Variants in LRRC3B observed in about 807,000 individuals in gnomAD.
LRRC3B encodes leucine-rich repeat-containing protein 3B.
In LRRC3B, 2 loss-of-function variants were observed where a neutral mutation model predicts 12.8. That is an observed-to-expected ratio of 0.16 (90% CI 0.06 to 0.49). The LOEUF is 0.49. Among genes scored for constraint, LRRC3B ranks in the 20% least tolerant of loss-of-function variants. LRRC3B has a pLI of 0.96. For synonymous variants in LRRC3B, 132 were observed against 122.0 expected (o/e 1.08, Z -0.54); for missense variants, 189 against 319.4 (o/e 0.59, Z 3.11).
intron 1 of LRRC3B, among the ~76,000 whole-genome samples, chr3:26,643,514 C>T (rs79007999): frequency 0.12 from 17,990 of 152,016 alleles, 1,203 homozygotes; most frequent in South Asian, 0.2. Flanking sequence ...ACCCACCCAC[C>T]AGCTGTGTGA....
chr3:26,673,069 C>A (rs1458215034), intron 1 of LRRC3B, among the ~76,000 whole-genome samples: 1 of 152,098 alleles, frequency 6.6e-6, no homozygotes, highest in Non-Finnish European at 1.5e-5. Context: ...GTCAGTGTTG[C>A]CACATGAAAT....
At chr3:26,638,585 A>AGAT (rs1309050416) in intron 1 of LRRC3B, among the ~76,000 whole-genome samples, 1 of 152,260 alleles carries the variant, frequency 6.6e-6, no homozygotes, top group Non-Finnish European at 1.5e-5. Context: ...TAAGACCTGC[A>AGAT]GATGGGATTA....
chr3:26,659,507 A>T, intron 1 of LRRC3B, among the ~76,000 whole-genome samples: 1 of 152,348 alleles, frequency 6.6e-6, no homozygotes, highest in East Asian at 1.9e-4. Flanking sequence ...TACAGATATT[A>T]AGAGAGATTT....
intron 1 of LRRC3B, among the ~76,000 whole-genome samples, chr3:26,649,553 A>G (rs1315960753): frequency 1.3e-5 from 2 of 152,180 alleles, no homozygotes; most frequent in Admixed American, 6.5e-5. Flanking sequence ...ATGTTGCCCA[A>G]TATCCTGCAT....
chr3:26,663,868 T>C (rs1022568810), intron 1 of LRRC3B, among the ~76,000 whole-genome samples: 9 of 152,160 alleles, frequency 5.9e-5, no homozygotes, highest in African/African-American at 2.2e-4. Flanking sequence ...GTTCAGAACC[T>C]TGCCATGTCT....
At chr3:26,691,272 A>T (rs989908357) in intron 1 of LRRC3B, among the ~76,000 whole-genome samples, 1 of 151,844 alleles carries the variant, frequency 6.6e-6, no homozygotes, top group African/African-American at 2.4e-5. Flanking sequence ...AGGACAAATT[A>T]TATGAAGGTT....
At chr3:26,650,082 T>C (rs187216851) in intron 1 of LRRC3B, among the ~76,000 whole-genome samples, 266 of 152,360 alleles carry the variant, frequency 1.7e-3, no homozygotes, top group African/African-American at 5.4e-3. Flanking sequence ...GTCTTCTGCC[T>C]ATATTTCTAT....
chr3:26,710,503 GT>G (rs1700726230), exon 2 of LRRC3B: 1 of 1,488,584 alleles, frequency 6.7e-7, no homozygotes, highest in South Asian at 1.4e-5. Context: ...TGCGATTGCA[GT>G]AGAAATAAGT....
chr3:26,709,555 A>G lies in LRRC3B; in HGVS notation c.-118A>G. 2.1e-6 allele frequency: 2 copies of G among 935,246 alleles called. No homozygotes were observed. Among genetic ancestry groups the G allele is most frequent in the Non-Finnish European group, 3.3e-6 (2 of 607,156 alleles). 57.9% of individuals were successfully genotyped at this position (935,246 alleles called of 1,614,324 possible). On this transcript the variant is annotated 5_prime_UTR_variant, in exon 2 of 2. It removes the in-frame stop codon of an upstream open reading frame in the 5' UTR. Transcript: ENST00000396641. ...GAAATAATGAAGAGACACATGTGTT[A>G]GCTGCAGCCTTTTGAAACACGCAAG...
intron 1 of LRRC3B, among the ~76,000 whole-genome samples, chr3:26,696,406 A>G (rs765089428): frequency 1.6e-4 from 25 of 152,226 alleles, no homozygotes; most frequent in Non-Finnish European, 3.4e-4. Flanking sequence ...GTGGATGTCT[A>G]GGAAGACTAT....
At chr3:26,637,230 T>G (rs906958756) in intron 1 of LRRC3B, among the ~76,000 whole-genome samples, 1 of 152,056 alleles carries the variant, frequency 6.6e-6, no homozygotes, top group Non-Finnish European at 1.5e-5. Context: ...ATTCATGTTG[T>G]ATTCAACTGA....
rs183283665 is a variant in LRRC3B at position 26,665,922 on chromosome 3, T to A, written c.-161+42685T>A. Among the ~76,000 whole-genome samples the A allele has an allele frequency of 1.4e-3, 213 of 152,324 alleles. 3 individuals are homozygous for A. Among genetic ancestry groups the A allele is most frequent in the East Asian group, 1.2e-3 (6 of 5,182 alleles). The stretch of plus-strand genomic sequence containing the variant: ...TAAGAGAGCTAAAAGTTTAATGTTG[T>A]AATTACATCTGACATCATGCTCAAA... On this transcript the variant is annotated intron_variant, in intron 1 of 1. Coordinates refer to ENST00000396641, the Ensembl canonical transcript of LRRC3B.
At chr3:26,655,021 C>T (rs573349704) in intron 1 of LRRC3B, among the ~76,000 whole-genome samples, 158 of 152,106 alleles carry the variant, frequency 1.0e-3, no homozygotes, top group Non-Finnish European at 1.6e-3. Flanking sequence ...AGGATATCTA[C>T]GTCTTCATTT....
At chr3:26,665,149 T>C (rs1575140382) in intron 1 of LRRC3B, among the ~76,000 whole-genome samples, 2 of 151,928 alleles carry the variant, frequency 1.3e-5, no homozygotes, top group South Asian at 4.1e-4. Context: ...TAAGGGAATG[T>C]GGGCAGAGCA....
At chr3:26,688,268 AG>A (rs1700125241) in intron 1 of LRRC3B, among the ~76,000 whole-genome samples, 1 of 152,234 alleles carries the variant, frequency 6.6e-6, no homozygotes, top group Non-Finnish European at 1.5e-5. Context: ...AGAGAAGAGC[AG>A]GCACACATTT....
intron 1 of LRRC3B, among the ~76,000 whole-genome samples, chr3:26,697,820 T>A (rs1700356630): frequency 6.6e-6 from 1 of 152,186 alleles, no homozygotes; most frequent in Non-Finnish European, 1.5e-5. Context: ...TTTCTATTTT[T>A]AAAGTACAGC....
intron 1 of LRRC3B, among the ~76,000 whole-genome samples, chr3:26,676,068 C>A (rs1247985869): frequency 1.0e-4 from 15 of 150,224 alleles, no homozygotes. Flanking sequence ...TCAATTTGGG[C>A]CTGTTTTTTC....
chr3:26,706,572 C>A (rs1408913193), intron 1 of LRRC3B, among the ~76,000 whole-genome samples: 1 of 152,206 alleles, frequency 6.6e-6, no homozygotes, highest in East Asian at 1.9e-4. Context: ...ATCCAGTTCA[C>A]AGGTAGACCA....
chr3:26,626,616 A>G (rs1427059623), intron 1 of LRRC3B, among the ~76,000 whole-genome samples: 1 of 152,224 alleles, frequency 6.6e-6, no homozygotes, highest in Non-Finnish European at 1.5e-5. Context: ...CTTAAAATTA[A>G]TTAGGAAAAG....
Sources: allele counts gnomAD v4.1 joint callset (sites outside exome capture counted in the v4.1 genomes callset), GRCh38; gene constraint gnomAD v4.1.1; transcripts MANE v1.5; gene names NCBI Gene and HGNC (gene_info 2026-07-23, HGNC 2026-07-21).